Variants in PTPRD observed in about 807,000 individuals in gnomAD.
PTPRD encodes the protein receptor-type tyrosine-protein phosphatase delta.
PTPRD carries 34 observed loss-of-function variants against 214.5 expected under a neutral mutation model. That is an observed-to-expected ratio of 0.16 (90% CI 0.12 to 0.21). PTPRD has a LOEUF of 0.21. Among genes scored for constraint, PTPRD ranks in the 10% least tolerant of loss-of-function variants. PTPRD has a pLI of 1.00. For missense variants in PTPRD, 2,545 were observed against 2,398.7 expected, an observed-to-expected ratio of 1.06 and a Z score of -1.27; for synonymous variants, 1,128 against 845.7, an observed-to-expected ratio of 1.33 and a Z score of -5.79.
intron 8 of PTPRD, among the ~76,000 whole-genome samples, chr9:9,437,085 T>C (rs1203079642): frequency 6.6e-6 from 1 of 152,198 alleles, no homozygotes; most frequent in African/African-American, 2.4e-5. Context: ...TAAACTCTAA[T>C]ATTTTTGGGC....
chr9:8,796,122 ATGC>A, intron 11 of PTPRD, among the ~76,000 whole-genome samples: 1 of 152,330 alleles, frequency 6.6e-6, no homozygotes, highest in Non-Finnish European at 1.5e-5. Context: ...ACAGCAGAAA[ATGC>A]TATAGGCCAA....
chr9:10,539,189 TTTG>T (rs2058547815), intron 2 of PTPRD, among the ~76,000 whole-genome samples: 1 of 152,186 alleles, frequency 6.6e-6, no homozygotes, highest in Non-Finnish European at 1.5e-5. Flanking sequence ...TTATCACTTT[TTTG>T]TTGTTGTTTT....
intron 11 of PTPRD, among the ~76,000 whole-genome samples, chr9:8,937,493 A>G (rs1315404344): frequency 2.0e-5 from 3 of 152,086 alleles, no homozygotes; most frequent in South Asian, 2.1e-4. Context: ...ATCAGTTCCA[A>G]TGTTGTTCAT....
chr9:8,992,965 C>G (rs770264438), intron 11 of PTPRD, among the ~76,000 whole-genome samples: 2 of 152,122 alleles, frequency 1.3e-5, no homozygotes, highest in African/African-American at 4.8e-5. Context: ...TTACAACACA[C>G]TCTATAAGAT....
chr9:9,302,401 C>G (rs1479124852), intron 9 of PTPRD, among the ~76,000 whole-genome samples: 1 of 151,386 alleles, frequency 6.6e-6, no homozygotes, highest in Non-Finnish European at 1.5e-5. Flanking sequence ...TTATTTTTAC[C>G]CTTCTCCAGC....
intron 3 of PTPRD, among the ~76,000 whole-genome samples, chr9:10,088,517 T>C (rs413553): frequency 0.69 from 104,910 of 151,542 alleles, 38,221 homozygotes; most frequent in African/African-American, 0.91. Flanking sequence ...ATATGAGTCC[T>C]ATAGTTTATT....
intron 2 of PTPRD, among the ~76,000 whole-genome samples, chr9:10,586,751 TTG>T (rs1273430224): frequency 2.0e-5 from 3 of 151,528 alleles, no homozygotes; most frequent in Non-Finnish European, 4.4e-5. Flanking sequence ...CTTCAAAAAT[TTG>T]TGTTTGCACA....
intron 39 of PTPRD, among the ~76,000 whole-genome samples, chr9:8,359,305 G>T (rs1224700826): frequency 4.0e-5 from 6 of 150,716 alleles, no homozygotes; most frequent in Non-Finnish European, 8.8e-5. Flanking sequence ...TCAAGGGGTG[G>T]GGTCAAGCAG....
intron 11 of PTPRD, among the ~76,000 whole-genome samples, chr9:8,907,531 AAAAT>A (rs1451443099): frequency 7.5e-4 from 95 of 127,020 alleles, no homozygotes; most frequent in African/African-American, 2.7e-3. Context: ...AAAAAAAAAA[AAAAT>A]ATATATATAT....
chr9:9,070,956 T>G (rs2099742809), intron 10 of PTPRD, among the ~76,000 whole-genome samples: 1 of 151,982 alleles, frequency 6.6e-6, no homozygotes, highest in Admixed American at 6.6e-5. Flanking sequence ...AGGGCTGGAG[T>G]GCAGGCTGTA....
At chr9:8,472,527 T>C (rs2096673864) in intron 30 of PTPRD, among the ~76,000 whole-genome samples, 1 of 152,164 alleles carries the variant, frequency 6.6e-6, no homozygotes, top group South Asian at 2.1e-4. Context: ...CAGCATGGTA[T>C]CCACTAGCCC....
intron 10 of PTPRD, among the ~76,000 whole-genome samples, chr9:9,080,462 C>T (rs922346864): frequency 6.6e-6 from 1 of 152,066 alleles, no homozygotes; most frequent in Non-Finnish European, 1.5e-5. Flanking sequence ...CTTGAATAGA[C>T]CCTTTACAAC....
intron 35 of PTPRD, among the ~76,000 whole-genome samples, chr9:8,417,853 T>C (rs1490142399): frequency 6.6e-6 from 1 of 152,140 alleles, no homozygotes; most frequent in East Asian, 1.9e-4. Flanking sequence ...GTAACTGTAA[T>C]CCAAATACAC....
chr9:8,439,087 T>G (rs1297722864), intron 34 of PTPRD, among the ~76,000 whole-genome samples: 2 of 152,196 alleles, frequency 1.3e-5, no homozygotes, highest in African/African-American at 4.8e-5. Context: ...AAACTTATCA[T>G]TGGATACCAT....
chr9:10,135,506 A>C (rs1158975309), intron 3 of PTPRD, among the ~76,000 whole-genome samples: 1 of 151,920 alleles, frequency 6.6e-6, no homozygotes, highest in African/African-American at 2.4e-5. Context: ...TACAAAGAAA[A>C]CTCCTTCAGG....
At chr9:10,200,047 C>T (rs294822) in intron 3 of PTPRD, among the ~76,000 whole-genome samples, 151,681 of 152,212 alleles carry the variant, frequency 1, 75,578 homozygotes, top group Middle Eastern at 1. Context: ...TTCTTCTATA[C>T]AGATGTGTAA....
intron 7 of PTPRD, among the ~76,000 whole-genome samples, chr9:9,605,519 C>A (rs1316962989): frequency 1.3e-5 from 2 of 151,982 alleles, no homozygotes; most frequent in African/African-American, 2.4e-5. Flanking sequence ...TGGTTCCCCA[C>A]AACAAAAGTT....
intron 21 of PTPRD, among the ~76,000 whole-genome samples, chr9:8,517,051 T>G (rs1258476651): frequency 6.6e-6 from 1 of 152,016 alleles, no homozygotes; most frequent in Non-Finnish European, 1.5e-5. Flanking sequence ...CCTCAAGTGA[T>G]CCACCTACCT....
At chr9:9,858,091 G>A (rs936803396) in intron 5 of PTPRD, among the ~76,000 whole-genome samples, 3 of 152,146 alleles carry the variant, frequency 2.0e-5, no homozygotes, top group African/African-American at 7.2e-5. Context: ...TTCAGGAACT[G>A]TGCTATATAG....
Sources: gnomAD v4.1 joint callset for allele counts (sites outside exome capture counted in the v4.1 genomes callset) on GRCh38, gnomAD v4.1.1 for gene constraint, MANE v1.5 for transcripts, NCBI Gene and HGNC (gene_info 2026-07-23, HGNC 2026-07-21) for gene names.